Variants in USP49 observed in about 807,000 individuals in gnomAD.
The protein encoded by USP49 is ubiquitin specific peptidase 49.
USP49 carries 24 observed loss-of-function variants against 58.6 expected under a neutral mutation model. The observed-to-expected ratio is 0.41, with a 90% confidence interval of 0.30 to 0.58. The LOEUF (loss-of-function observed/expected upper bound fraction) is 0.58. USP49 is among the 20% of genes least tolerant of loss of function. The pLI is 0.30. For synonymous variants in USP49, 408 were observed against 365.1 expected, an observed-to-expected ratio of 1.12 and a Z score of -1.34; for missense variants, 703 against 866.1, an observed-to-expected ratio of 0.81 and a Z score of 2.36.
intron 3 of USP49, among the ~76,000 whole-genome samples, chr6:41,813,501 A>G (rs866342301): frequency 2.6e-5 from 4 of 152,198 alleles, no homozygotes; most frequent in Non-Finnish European, 5.9e-5. Flanking sequence ...AGAGAAGAAC[A>G]CTAAAAAACC....
At chr6:41,890,311 G>T (rs925134951) in intron 2 of USP49, among the ~76,000 whole-genome samples, 1 of 151,644 alleles carries the variant, frequency 6.6e-6, no homozygotes, top group African/African-American at 2.4e-5. Flanking sequence ...CCTGGGAGGC[G>T]GAGGTTGTAG....
chr6:41,822,709 G>A (rs989123881), intron 3 of USP49, among the ~76,000 whole-genome samples: 6 of 152,068 alleles, frequency 3.9e-5, no homozygotes, highest in Middle Eastern at 3.2e-3. Flanking sequence ...GCTGGGCGTA[G>A]TGGCGCGCGC....
intron 2 of USP49, among the ~76,000 whole-genome samples, chr6:41,882,898 A>G (rs372161893): frequency 1.2e-4 from 19 of 152,146 alleles, no homozygotes; most frequent in African/African-American, 4.1e-4. Flanking sequence ...CCTGGGCAAC[A>G]GAGCAAGATT....
intron 3 of USP49, among the ~76,000 whole-genome samples, chr6:41,844,341 CAG>C (rs1365939850): frequency 2.0e-5 from 3 of 151,206 alleles, no homozygotes; most frequent in East Asian, 3.9e-4. Flanking sequence ...TTCTTTGAGA[CAG>C]AGTCTCCTAC....
Position 41,806,677 on chromosome 6 carries a change from G to A in USP49, c.307C>T (p.Arg103Trp), listed in dbSNP as rs79607937. ...KLLRSSLLAV[R>W]GQKQDTPVRR... ...ACCGGCGTGTCCTGTTTCTGGCCCC[G>A]GACCGCCAGGAGGGAGCTTCTTAGC... is the stretch of plus-strand genomic sequence containing the variant. The change falls in exon 4 of 8, where the codon CGG becomes TGG. Residue 103 changes from arginine to tryptophan, a missense_variant. Arg to Trp is a moderately radical substitution (Grantham distance 101). Transcript: ENST00000682992. The surrounding 1 kb of genome is among the most constrained non-coding windows in gnomAD (Gnocchi z 5.9). 4 of 1,614,122 alleles carry A rather than the reference G, an allele frequency of 2.5e-6. No individual in the cohort carries two copies. Among genetic ancestry groups the A allele is most frequent in the African/African-American group, 1.3e-5 (1 of 75,066 alleles).
chr6:41,847,763 G>C (rs963289567), intron 3 of USP49, among the ~76,000 whole-genome samples: 2 of 151,610 alleles, frequency 1.3e-5, no homozygotes, highest in African/African-American at 4.8e-5. Flanking sequence ...GATTGGCAAA[G>C]AGCACATAAA....
rs777525400 is a variant in USP49 at position 41,803,891 on chromosome 6, T to C, written c.1476A>G (p.Thr492=). 6 of 1,614,234 alleles carry C rather than the reference T, an allele frequency of 3.7e-6. No individual in the cohort carries two copies. The South Asian group carries it at 6.6e-5, about 18-fold the overall frequency. Residue 492 remains threonine (T), a synonymous_variant, in exon 5 of 8, where the codon ACA becomes ACG. Coordinates refer to ENST00000682992, the MANE Select transcript of USP49 (RefSeq NM_001286554.2). This position sits in a 1 kb window ranked among gnomAD's most constrained non-coding sequence, Gnocchi z 4.1. ...CCAGCATCTCAGTGAGCAAGCACTC[T>C]GTTTGATTCAAAGGGACAAACCCCT... The part of the protein sequence containing the change: ...IEKGFVPLNQ[T]ECLLTEMLAK...
rs763445110 is a variant in USP49, at chr6:41,806,356, G to A, written c.628C>T (p.Arg210Trp). ...TCGCGGGGCGTGTGCAGGAGCAGCC[G>A]TGCACTCTTGCGCGGAGGGGTGCTG... ...LASTPPRKSA[R>W]LLLHTPRDAG... The change falls in exon 4 of 8, where the codon CGG becomes TGG. Residue 210 changes from arginine to tryptophan, a missense_variant. This residue lies in a region of USP49 where 376 missense variants were observed against 373.5 expected (regional missense o/e 1.01). Transcript: ENST00000682992. This position sits in a 1 kb window ranked among gnomAD's most constrained non-coding sequence, Gnocchi z 5.9. 3.9e-6 allele frequency: 6 copies of A among 1,532,738 alleles called. No individual in the cohort carries two copies. Among genetic ancestry groups the A allele is most frequent in the African/African-American group, 2.7e-5 (2 of 73,012 alleles). 94.9% of individuals were successfully genotyped at this position (1,532,738 alleles called of 1,614,324 possible).
intron 3 of USP49, among the ~76,000 whole-genome samples, chr6:41,817,860 C>T (rs1281258910): frequency 1.3e-5 from 2 of 152,156 alleles, no homozygotes; most frequent in African/African-American, 4.8e-5. Flanking sequence ...AAGTGATCCA[C>T]CCACCTAGGT....
rs1326428600 is a variant in USP49, at chr6:41,802,475, A to ATT, written c.1561+1329_1561+1330dup. Among the ~76,000 whole-genome samples the ATT allele has an allele frequency of 1.4e-4, 9 of 66,606 alleles. 1 individual carries two copies. The highest frequency in any genetic ancestry group is 5.8e-4 in the African/African-American group (8 of 13,840). 43.7% of individuals were successfully genotyped at this position (66,606 alleles called of 152,430 possible). On this transcript the variant is annotated intron_variant, in intron 5 of 7. Transcript: ENST00000682992. Reference sequence around the variant, plus strand: ...TTATTTATTTATTTATTTATTTTTTATTTATTTTTTTTTTTTGAGACAGCA... The same window carrying ATT: ...TTATTTATTTATTTATTTATTTTTTATTTTTATTTTTTTTTTTTGAGACAGCA...
chr6:41,821,017 G>A (rs1367801387), intron 3 of USP49, among the ~76,000 whole-genome samples: 1 of 151,818 alleles, frequency 6.6e-6, no homozygotes, highest in East Asian at 1.9e-4. Flanking sequence ...AAATAAATAA[G>A]TAAATAAATA....
intron 3 of USP49, among the ~76,000 whole-genome samples, chr6:41,822,614 G>A (rs1481049843): frequency 1.3e-5 from 2 of 152,100 alleles, no homozygotes; most frequent in Non-Finnish European, 2.9e-5. Flanking sequence ...TTGGGAGGCC[G>A]ACGTGGGCGG....
At chr6:41,825,232 C>T (rs1773518078) in intron 3 of USP49, among the ~76,000 whole-genome samples, 1 of 152,152 alleles carries the variant, frequency 6.6e-6, no homozygotes, top group African/African-American at 2.4e-5. Context: ...CACCCTAAGC[C>T]AATCAACTAC....
rs142941971 is a variant in USP49, at chr6:41,790,422, G to A, written c.*6111C>T. 13 of 152,266 alleles carry A rather than the reference G, an allele frequency of 8.5e-5. 1 individual carries two copies. In the East Asian group the frequency reaches 1.4e-3, roughly 16 times the overall value. The allele number at this position is 152,266 out of a possible 1,614,324, so 9.4% of individuals were successfully genotyped here. A position where few individuals can be genotyped will look rare whatever the true frequency, so the allele number is the denominator to read the frequency against. On this transcript the variant is annotated 3_prime_UTR_variant, in exon 8 of 8. Transcript: ENST00000682992. ...GGCTCTTTGGAAATGGAGTATGTACGGAACTGGCATGTATAGACTTATATA... is the reference window on the plus strand; with the variant it reads ...GGCTCTTTGGAAATGGAGTATGTACAGAACTGGCATGTATAGACTTATATA...
In USP49 at chr6:41,791,465, TAAAA is replaced by T. The variant is rs1178303697; in HGVS notation, c.*5064_*5067del. 1 of 152,234 alleles carries T rather than the reference TAAAA, an allele frequency of 6.6e-6. No individual in the cohort carries two copies. Among genetic ancestry groups the T allele is most frequent in the Non-Finnish European group, 1.5e-5 (1 of 68,054 alleles). 9.4% of individuals were successfully genotyped at this position (152,234 alleles called of 1,614,324 possible). A position where few individuals can be genotyped will look rare whatever the true frequency, so the allele number is the denominator to read the frequency against. On this transcript the variant is annotated 3_prime_UTR_variant, in exon 8 of 8. Coordinates refer to ENST00000682992, the MANE Select transcript of USP49 (RefSeq NM_001286554.2). ...TCAAAGTGGTTAAGAATTTAGTAAA[TAAAA>T]CTACTTAATCTACAACTTTCAAAAA...
Position 41,798,940 on chromosome 6 carries a change from G to C in USP49, c.1671-11C>G. 2 of 1,610,878 alleles carry C rather than the reference G, an allele frequency of 1.2e-6. No homozygotes were observed. The highest frequency in any genetic ancestry group is 8.5e-7 in the Non-Finnish European group (1 of 1,178,428). On this transcript the variant is annotated splice_polypyrimidine_tract_variant and intron_variant, in intron 6 of 7. Transcript: ENST00000682992. ...TTACGGCCAGACCACCTAGAACATG[G>C]ATATAAGCTTGTTACTAGTAAAAAC...
chr6:41,851,736 C>T (rs1031907047), intron 3 of USP49, among the ~76,000 whole-genome samples: 16 of 151,462 alleles, frequency 1.1e-4, no homozygotes, highest in Admixed American at 1.3e-4. Context: ...AGATGGATCA[C>T]GAGATCAGGA....
chr6:41,809,764 T>C (rs2127326119), intron 3 of USP49, among the ~76,000 whole-genome samples: 1 of 151,810 alleles, frequency 6.6e-6, no homozygotes, highest in Non-Finnish European at 1.5e-5. Flanking sequence ...GAGGTGGAAC[T>C]TGCAGTGAGC....
At chr6:41,878,838 G>A (rs571037072) in intron 2 of USP49, among the ~76,000 whole-genome samples, 4 of 152,100 alleles carry the variant, frequency 2.6e-5, no homozygotes, top group Non-Finnish European at 5.9e-5. Context: ...GGTATCAGCA[G>A]GATTTTACAG....
Sources: gnomAD v4.1 joint callset for allele counts (sites outside exome capture counted in the v4.1 genomes callset) on GRCh38, gnomAD v4.1.1 for gene constraint, gnomAD v4.1.1 regional missense constraint, Gnocchi (gnomAD v3.1) non-coding constraint, MANE v1.5 for transcripts, NCBI Gene and HGNC (gene_info 2026-07-23, HGNC 2026-07-21) for gene names.